Variants in IL21R observed in about 807,000 individuals in gnomAD.
IL21R encodes the protein interleukin-21 receptor.
In IL21R, 14 loss-of-function variants were observed where a neutral mutation model predicts 41.3. The observed-to-expected ratio is 0.34, with a 90% CI of 0.22 to 0.53. The LOEUF (loss-of-function observed/expected upper bound fraction) is 0.53. Among genes scored for constraint, IL21R ranks in the 20% least tolerant of loss-of-function variants. The pLI is 0.94. For synonymous variants in IL21R, 286 were observed against 287.6 expected (o/e 0.99, Z 0.05); for missense variants, 588 against 681.6 (o/e 0.86, Z 1.53).
intron 2 of IL21R, 137 bp downstream of exon 2, chr16:27,430,257 G>A (rs966406070): frequency 2.9e-6 from 2 of 683,304 alleles, no homozygotes; most frequent in Non-Finnish European, 4.9e-6. Flanking sequence ...TGCCCTTGAG[G>A]CTGACACGAG....
intron 3 of IL21R, among the ~76,000 whole-genome samples, chr16:27,435,365 T>A (rs1251806553): frequency 1.3e-5 from 2 of 152,224 alleles, no homozygotes; most frequent in African/African-American, 2.4e-5. Context: ...GCCTTGGAAC[T>A]GACGTACCAC....
At chr16:27,421,335 CAAAA>C (rs35250936) in intron 1 of IL21R, among the ~76,000 whole-genome samples, 3 of 84,210 alleles carry the variant, frequency 3.6e-5, no homozygotes, top group African/African-American at 4.5e-5. Flanking sequence ...TCAATTTCTG[CAAAA>C]AAAAAAAAAA....
chr16:27,435,119 C>A (rs916561489), intron 3 of IL21R, among the ~76,000 whole-genome samples: 6 of 151,992 alleles, frequency 3.9e-5, no homozygotes, highest in Non-Finnish European at 8.8e-5. Flanking sequence ...ATCAGTCGGG[C>A]GTGGTGGCAC....
rs12934152 is a variant in IL21R at position 27,403,018 on chromosome 16, T to C, written c.-17+400T>C. 82,144 of 433,330 alleles carry C rather than the reference T, an allele frequency of 0.19. 9,544 individuals carry two copies. Among genetic ancestry groups the C allele is most frequent in the Middle Eastern group, 0.27 (800 of 2,956 alleles). The allele number at this position is 433,330 out of a possible 1,614,324, so 26.8% of individuals were successfully genotyped here. On this transcript the variant is annotated intron_variant, in intron 1 of 8. Transcript: ENST00000337929. ...GGGACCCATTCTGTGTCAGTTTCTA[T>C]GTCTTACCACCTTGATTCCACCCAG...
At chr16:27,404,820 G>GT (rs2086713204) in intron 1 of IL21R, among the ~76,000 whole-genome samples, 1 of 152,172 alleles carries the variant, frequency 6.6e-6, no homozygotes, top group Admixed American at 6.5e-5. Context: ...TGCTGCATCT[G>GT]TAAGAGTGGA....
At chr16:27,433,508 A>G (rs1285879366) in intron 2 of IL21R, among the ~76,000 whole-genome samples, 1 of 152,220 alleles carries the variant, frequency 6.6e-6, no homozygotes, top group South Asian at 2.1e-4. Flanking sequence ...AAATAGCAGC[A>G]AAAAATAGTG....
rs548671796 is a variant in IL21R, at chr16:27,417,193, A to G, written c.-16-12863A>G. Reference sequence around the variant, plus strand: ...TTTTTTTTTTTTGAGACAGGGTCACACTCTGTCACCCAGGCTGGACTGCAA... The same window carrying G: ...TTTTTTTTTTTTGAGACAGGGTCACGCTCTGTCACCCAGGCTGGACTGCAA... On this transcript the variant is annotated intron_variant, in intron 1 of 8. Coordinates refer to ENST00000337929, the MANE Select transcript of IL21R (RefSeq NM_181078.3). Among the ~76,000 whole-genome samples, 3 of 129,824 alleles carry G rather than the reference A, an allele frequency of 2.3e-5. No homozygotes were observed. In the South Asian group the frequency reaches 7.0e-4, roughly 30 times the overall value. 85.2% of individuals were successfully genotyped at this position (129,824 alleles called of 152,430 possible). A position where few individuals can be genotyped will look rare whatever the true frequency, so the allele number is the denominator to read the frequency against.
chr16:27,428,289 C>A (rs777238704), intron 1 of IL21R, among the ~76,000 whole-genome samples: 2 of 152,244 alleles, frequency 1.3e-5, no homozygotes, highest in African/African-American at 2.4e-5. Context: ...GTCATCTGAA[C>A]CTTCCTGGCC....
chr16:27,450,344 A>AC lies in IL21R; in HGVS notation c.*1067dup, dbSNP rs1189052046. ...TAGCAGGCCATGGCTCATGGGACCC[A>AC]CCCCCCGTGGCACTCATGGAGGGGG... On this transcript the variant is annotated 3_prime_UTR_variant, in exon 9 of 9. Transcript: ENST00000337929. 15 of 231,166 alleles carry AC rather than the reference A, an allele frequency of 6.5e-5. No homozygotes were observed. Among genetic ancestry groups the AC allele is most frequent in the East Asian group, 1.8e-4 (3 of 16,404 alleles). 14.3% of individuals were successfully genotyped at this position (231,166 alleles called of 1,614,324 possible).
In IL21R at chr16:27,440,684, C is replaced by T. The variant is rs3093356; in HGVS notation, c.353-2278C>T. ...ACCTCTGCCCCAAGGAGCTAAGAGC[C>T]CAGTGAGGGAGGCACATAGTAAACA... On this transcript the variant is annotated intron_variant, in intron 4 of 8. Coordinates refer to ENST00000337929, the MANE Select transcript of IL21R (RefSeq NM_181078.3). Among the ~76,000 whole-genome samples the T allele has an allele frequency of 9.8e-3, 1,491 of 152,162 alleles. 30 individuals are homozygous for T. Among genetic ancestry groups the T allele is most frequent in the African/African-American group, 0.034 (1,391 of 41,478 alleles).
In IL21R at chr16:27,422,485, G is replaced by T. The variant is rs186587397; in HGVS notation, c.-16-7571G>T. Among the ~76,000 whole-genome samples the T allele has an allele frequency of 1.3e-4, 19 of 151,722 alleles. No homozygotes were observed. The East Asian group carries it at 3.7e-3, about 29-fold the overall frequency. On this transcript the variant is annotated intron_variant, in intron 1 of 8. Coordinates refer to ENST00000337929, the MANE Select transcript of IL21R (RefSeq NM_181078.3). ...CTGTATTTTTGAACTTTTTTTCTCT[G>T]CATGCTTCAATCTTGGTATTTTCTA... is the stretch of plus-strand genomic sequence containing the variant.
intron 4 of IL21R, 86 bp from the exon 5 acceptor site, chr16:27,442,876 C>A: frequency 8.0e-7 from 1 of 1,254,898 alleles, no homozygotes; most frequent in Non-Finnish European, 1.1e-6. Flanking sequence ...GGGGTGGGGG[C>A]AGGCAGGACT....
chr16:27,443,274 C>A (rs2087422503), intron 5 of IL21R, among the ~76,000 whole-genome samples, 158 bp downstream of exon 5: 1 of 152,244 alleles, frequency 6.6e-6, no homozygotes, highest in African/African-American at 2.4e-5. Context: ...CCTCCTCCTC[C>A]CCTCACTTCT....
At chr16:27,417,968 A>C (rs1446880981) in intron 1 of IL21R, among the ~76,000 whole-genome samples, 1 of 151,902 alleles carries the variant, frequency 6.6e-6, no homozygotes, top group Non-Finnish European at 1.5e-5. Context: ...AATTTTTAAA[A>C]TAATAAATTA....
At chr16:27,425,755 C>T (rs1223044632) in intron 1 of IL21R, among the ~76,000 whole-genome samples, 6 of 152,000 alleles carry the variant, frequency 3.9e-5, no homozygotes, top group African/African-American at 2.4e-5. Context: ...GGGGTTTCGC[C>T]GTGTTGGCCA....
chr16:27,411,711 G>A (rs567304831), intron 1 of IL21R, among the ~76,000 whole-genome samples: 21 of 151,956 alleles, frequency 1.4e-4, no homozygotes, highest in East Asian at 5.8e-4. Context: ...TGATTCGCCC[G>A]CCTCGGCCTC....
chr16:27,450,410 C>T lies in IL21R; in HGVS notation c.*1127C>T. 4.3e-6 allele frequency: 1 copy of T among 231,568 alleles called. No homozygotes were observed. Among genetic ancestry groups the T allele is most frequent in the East Asian group, 6.1e-5 (1 of 16,410 alleles). 14.3% of individuals were successfully genotyped at this position (231,568 alleles called of 1,614,324 possible). A position where few individuals can be genotyped will look rare whatever the true frequency, so the allele number is the denominator to read the frequency against. ...ATGCAGTGTGCTCCGGCCACACATC[C>T]TGCTGGGCCCCCTACCCTGCCCCAA... On this transcript the variant is annotated 3_prime_UTR_variant, in exon 9 of 9. Coordinates refer to ENST00000337929, the MANE Select transcript of IL21R (RefSeq NM_181078.3).
chr16:27,429,606 T>A (rs1407646953), intron 1 of IL21R, among the ~76,000 whole-genome samples: 7 of 152,024 alleles, frequency 4.6e-5, no homozygotes, highest in Admixed American at 2.6e-4. Context: ...ATGCCGTCTC[T>A]ACAAAAATGT....
In IL21R at chr16:27,450,576, C is replaced by A; in HGVS notation, c.*1293C>A. On this transcript the variant is annotated 3_prime_UTR_variant, in exon 9 of 9. Coordinates refer to ENST00000337929, the MANE Select transcript of IL21R (RefSeq NM_181078.3). ...AGAAAATATTTCTTAGCAACATTTTCTTTTTCTTTTTTTTTTTTTTCTTTT... is the reference window on the plus strand; with the variant it reads ...AGAAAATATTTCTTAGCAACATTTTATTTTTCTTTTTTTTTTTTTTCTTTT... 1 of 214,308 alleles carries A rather than the reference C, an allele frequency of 4.7e-6. No homozygotes were observed. Among genetic ancestry groups the A allele is most frequent in the Non-Finnish European group, 9.2e-6 (1 of 108,754 alleles). The allele number at this position is 214,308 out of a possible 1,614,324, so 13.3% of individuals were successfully genotyped here. A position where few individuals can be genotyped will look rare whatever the true frequency, so the allele number is the denominator to read the frequency against.
Sources: allele counts gnomAD v4.1 joint callset (sites outside exome capture counted in the v4.1 genomes callset), GRCh38; gene constraint gnomAD v4.1.1; transcripts MANE v1.5; gene names NCBI Gene and HGNC (gene_info 2026-07-23, HGNC 2026-07-21).